TMEM94: variants seen among roughly 807,000 people sequenced by gnomAD.
TMEM94 encodes the protein transmembrane protein 94.
A neutral mutation model predicts 158.6 loss-of-function variants in TMEM94; 81 were observed. That is an observed-to-expected ratio of 0.51 (90% CI 0.43 to 0.61). The LOEUF (loss-of-function observed/expected upper bound fraction) is 0.61. Ranked by LOEUF, TMEM94 falls within the 20% of genes least tolerant of loss-of-function variation. The pLI is 0.00. For missense variants in TMEM94, 1,435 were observed against 1,762.0 expected (o/e 0.81, Z 3.32); for synonymous variants, 751 against 730.7 (o/e 1.03, Z -0.45).
At chr17:75,493,646 C>G in intron 17 of TMEM94, 53 bp downstream of exon 17, 1 of 1,613,220 alleles carries the variant, frequency 6.2e-7, no homozygotes, top group Non-Finnish European at 8.5e-7. Context: ...GCCGGGGCAC[C>G]TGCCCTTCAC....
Position 75,498,819 on chromosome 17 carries a change from A to G in TMEM94, c.3828-93A>G. On this transcript the variant is annotated intron_variant, in intron 30 of 31. Transcript: ENST00000314256. The surrounding 1 kb of genome is among the most constrained non-coding windows in gnomAD (Gnocchi z 6.7). Reference sequence around the variant, plus strand: ...AGGGCGGGACCGGGGCCAGTGGTTTAACTGTACCCTGCCTGAGCTAACTGT... The same window carrying G: ...AGGGCGGGACCGGGGCCAGTGGTTTGACTGTACCCTGCCTGAGCTAACTGT... The G allele has an allele frequency of 6.6e-7, 1 of 1,522,798 alleles. No individual in the cohort carries two copies. Among genetic ancestry groups the G allele is most frequent in the Non-Finnish European group, 8.8e-7 (1 of 1,133,828 alleles). The allele number at this position is 1,522,798 out of a possible 1,614,324, so 94.3% of individuals were successfully genotyped here. A position where few individuals can be genotyped will look rare whatever the true frequency, so the allele number is the denominator to read the frequency against.
chr17:75,491,012 C>A lies in TMEM94; in HGVS notation c.1129-37C>A. 6.7e-7 allele frequency: 1 copy of A among 1,496,542 alleles called. No homozygotes were observed. Among genetic ancestry groups the A allele is most frequent in the Non-Finnish European group, 9.2e-7 (1 of 1,088,852 alleles). 92.7% of individuals were successfully genotyped at this position (1,496,542 alleles called of 1,614,324 possible). A position where few individuals can be genotyped will look rare whatever the true frequency, so the allele number is the denominator to read the frequency against. ...CCGTCTCCAGGGAAATGAGGCTGAG[C>A]CCTAAATGGCCTTGCAGACTTCCTC... On this transcript the variant is annotated intron_variant, in intron 11 of 31. Coordinates refer to ENST00000314256, the MANE Select transcript of TMEM94 (RefSeq NM_014738.6). The surrounding 1 kb of genome is among the most constrained non-coding windows in gnomAD (Gnocchi z 5.1).
rs561879649 is a variant in TMEM94, at chr17:75,456,718, G to T, written c.-140G>T. The T allele has an allele frequency of 6.6e-6, 1 of 152,468 alleles. No homozygotes were observed. Among genetic ancestry groups the T allele is most frequent in the Non-Finnish European group, 1.5e-5 (1 of 68,126 alleles). The allele number at this position is 152,468 out of a possible 1,614,324, so 9.4% of individuals were successfully genotyped here. On this transcript the variant is annotated 5_prime_UTR_variant, in exon 1 of 32. Coordinates refer to ENST00000314256, the MANE Select transcript of TMEM94 (RefSeq NM_014738.6). Reference sequence around the variant, plus strand: ...TGAGGAGGGGGTTGGGAGGGGAGAGGACGCGGGCGAGGAAGACCAGCCCCG... The same window carrying T: ...TGAGGAGGGGGTTGGGAGGGGAGAGTACGCGGGCGAGGAAGACCAGCCCCG...
rs542087905 is a variant in TMEM94, at chr17:75,471,828, G to T, written c.-78G>T. ...TTGTGACTGTGACAGACTCACTGGG[G>T]TTTGTACATGCTGGGGAGGAGCCTT... On this transcript the variant is annotated 5_prime_UTR_variant, in exon 2 of 32. Coordinates refer to ENST00000314256, the MANE Select transcript of TMEM94 (RefSeq NM_014738.6). 2.9e-4 allele frequency: 421 copies of T among 1,459,704 alleles called. 8 individuals carry two copies. The South Asian group carries it at 3.8e-3, about 13-fold the overall frequency. 90.4% of individuals were successfully genotyped at this position (1,459,704 alleles called of 1,614,324 possible).
Position 75,493,107 on chromosome 17 carries a change from G to A in TMEM94, c.2086+5G>A, listed in dbSNP as rs2052363427. 6.2e-7 allele frequency: 1 copy of A among 1,612,078 alleles called. No homozygotes were observed. Among genetic ancestry groups the A allele is most frequent in the South Asian group, 1.1e-5 (1 of 91,046 alleles). Reference sequence around the variant, plus strand: ...TCATTAAAGACACCACCACCAGTGAGCCCTGGCTACGTTGGCCAGCACCAG... The same window carrying A: ...TCATTAAAGACACCACCACCAGTGAACCCTGGCTACGTTGGCCAGCACCAG... On this transcript the variant is annotated splice_donor_5th_base_variant and intron_variant, in intron 16 of 31. Transcript: ENST00000314256.
intron 1 of TMEM94, among the ~76,000 whole-genome samples, chr17:75,469,491 C>T (rs1489113106): frequency 6.6e-6 from 1 of 151,188 alleles, no homozygotes; most frequent in Non-Finnish European, 1.5e-5. Context: ...ATTACAGGCG[C>T]CCACCACCAC....
At chr17:75,464,676 C>CTTTCT in intron 1 of TMEM94, among the ~76,000 whole-genome samples, 1 of 59,954 alleles carries the variant, frequency 1.7e-5, no homozygotes, top group South Asian at 6.0e-4. Context: ...TCCTTCCTTC[C>CTTTCT]TTCTTTCTTT....
chr17:75,482,991 A>G (rs2051296778), intron 2 of TMEM94, among the ~76,000 whole-genome samples: 1 of 152,216 alleles, frequency 6.6e-6, no homozygotes, highest in African/African-American at 2.4e-5. Context: ...CACCATTGAC[A>G]TGTAAACCTC....
At position 75,491,645 on chromosome 17, in the gene TMEM94, G is replaced by A; in HGVS notation, c.1387-46G>A. On this transcript the variant is annotated intron_variant, in intron 13 of 31. Transcript: ENST00000314256. This position sits in a 1 kb window ranked among gnomAD's most constrained non-coding sequence, Gnocchi z 5.1. ...ACCTAGAAGCATCCTGCCTCCCCAG[G>A]CCATGGGAGCCACTGGTCCTAGCCT... 1 of 1,597,380 alleles carries A rather than the reference G, an allele frequency of 6.3e-7. No individual in the cohort carries two copies. Among genetic ancestry groups the A allele is most frequent in the Non-Finnish European group, 8.6e-7 (1 of 1,167,172 alleles).
In TMEM94 at chr17:75,490,174, C is replaced by T; in HGVS notation, c.955-60C>T. ...GGCCGTGGGGCCAGGGCAGCCCTTC[C>T]CTTCCCTCCTCCCCAGGCCCGGAGC... On this transcript the variant is annotated intron_variant, in intron 9 of 31. Coordinates refer to ENST00000314256, the MANE Select transcript of TMEM94 (RefSeq NM_014738.6). 8 of 1,590,210 alleles carry T rather than the reference C, an allele frequency of 5.0e-6. No homozygotes were observed. The South Asian group carries it at 6.8e-5, about 13-fold the overall frequency.
chr17:75,476,396 T>G, intron 2 of TMEM94: 4 of 752,508 alleles, frequency 5.3e-6, no homozygotes, highest in Non-Finnish European at 7.8e-6. Context: ...ATGCTCCTGT[T>G]TCCTCCCTCC....
chr17:75,482,686 C>T (rs952203445), intron 2 of TMEM94, among the ~76,000 whole-genome samples: 3 of 152,120 alleles, frequency 2.0e-5, no homozygotes, highest in Non-Finnish European at 2.9e-5. Flanking sequence ...CTGACAGTCC[C>T]GATTAAGGTG....
At position 75,489,649 on chromosome 17, in the gene TMEM94, T is replaced by TC; in HGVS notation, c.943dup (p.Leu315ProfsTer46). 1 of 1,613,530 alleles carries TC rather than the reference T, an allele frequency of 6.2e-7. No individual in the cohort carries two copies. On this transcript the variant is annotated frameshift_variant, in exon 9 of 32. Coordinates refer to ENST00000314256, the MANE Select transcript of TMEM94 (RefSeq NM_014738.6). LOFTEE classifies it high-confidence loss of function. This position sits in a 1 kb window ranked among gnomAD's most constrained non-coding sequence, Gnocchi z 5.0. The stretch of plus-strand genomic sequence containing the variant: ...GGGGTCACTTCCTGGCAGTACACCC[T>TC]CCTCCAGCTCCAGGCAAGGACCACC...
At chr17:75,476,493 A>C in intron 2 of TMEM94, 1 of 1,398,450 alleles carries the variant, frequency 7.2e-7, no homozygotes, top group East Asian at 2.6e-5. Flanking sequence ...GACTAGAAAT[A>C]GGCTGAATTA....
intron 6 of TMEM94, 134 bp from the exon 7 acceptor site, chr17:75,488,625 G>C: frequency 9.9e-7 from 1 of 1,011,950 alleles, no homozygotes; most frequent in Non-Finnish European, 1.5e-6. Flanking sequence ...AGTCCCACAG[G>C]CCCTGTCCCA....
intron 5 of TMEM94, among the ~76,000 whole-genome samples, 188 bp downstream of exon 5, chr17:75,486,614 G>C (rs1002712781): frequency 1.3e-5 from 2 of 152,202 alleles, no homozygotes; most frequent in African/African-American, 2.4e-5. Context: ...GTGGGATGGT[G>C]GTGGGTGCCC....
In TMEM94 at chr17:75,498,226, A is replaced by G. The variant is rs1421460320; in HGVS notation, c.3541A>G (p.Ser1181Gly). ...CCTGCTCAAGTTCAGCCTCACCATC[A>G]GCTCCTGCCTCATCTGCTTTGGCTT... is the stretch of plus-strand genomic sequence containing the variant. ...CFLLKFSLTI[S>G]SCLICFGFTL... Residue 1181 changes from serine to glycine, a missense_variant, in exon 28 of 32, where the codon AGC (serine) becomes GGC (glycine). By Grantham distance (56) the Ser-to-Gly change is moderately conservative. Transcript: ENST00000314256. The surrounding 1 kb of genome is among the most constrained non-coding windows in gnomAD (Gnocchi z 6.7). 2 of 1,613,868 alleles carry G rather than the reference A, an allele frequency of 1.2e-6. No individual in the cohort carries two copies. Among genetic ancestry groups the G allele is most frequent in the Admixed American group, 1.7e-5 (1 of 60,014 alleles).
intron 1 of TMEM94, among the ~76,000 whole-genome samples, chr17:75,467,811 C>T (rs1347109449): frequency 1.3e-5 from 2 of 152,116 alleles, no homozygotes; most frequent in South Asian, 2.1e-4. Context: ...GGATTACAGG[C>T]GTGAGCCACC....
intron 23 of TMEM94, 98 bp from the exon 24 acceptor site, chr17:75,496,184 C>G (rs1399906030): frequency 1.3e-6 from 2 of 1,563,800 alleles, no homozygotes; most frequent in East Asian, 4.5e-5. Context: ...CTCGCCCTGG[C>G]TGGGACCAAT....
Sources: allele counts gnomAD v4.1 joint callset (sites outside exome capture counted in the v4.1 genomes callset), GRCh38; gene constraint gnomAD v4.1.1; non-coding constraint Gnocchi (gnomAD v3.1); transcripts MANE v1.5; gene names NCBI Gene and HGNC (gene_info 2026-07-23, HGNC 2026-07-21).